Variants in EIF4A3 observed in about 807,000 individuals in gnomAD.
The protein encoded by EIF4A3 is eukaryotic translation initiation factor 4A3.
Under a neutral mutation model 55.6 loss-of-function variants are expected in EIF4A3, and 1 was observed. That is an observed-to-expected ratio of 0.02 (90% CI 0.01 to 0.09). EIF4A3 has a LOEUF of 0.09. EIF4A3 is among the 10% of genes least tolerant of loss of function. EIF4A3 has a pLI of 1.00. For synonymous variants in EIF4A3, 194 were observed against 196.3 expected (o/e 0.99, Z 0.10); for missense variants, 221 against 540.7 (o/e 0.41, Z 5.86).
At chr17:80,141,123 A>G (rs993945716) in intron 4 of EIF4A3, among the ~76,000 whole-genome samples, 196 bp downstream of exon 4, 7 of 152,354 alleles carry the variant, frequency 4.6e-5, no homozygotes, top group African/African-American at 1.2e-4. Flanking sequence ...AACTACCGAG[A>G]GCACACAAGC....
In EIF4A3 at chr17:80,134,401, T is replaced by C. The variant is rs756295745; in HGVS notation, c.*1089A>G. 5.3e-5 allele frequency among the ~76,000 whole-genome samples: 8 copies of C among 152,168 alleles called. No homozygotes were observed. Among genetic ancestry groups the C allele is most frequent in the Non-Finnish European group, 1.0e-4 (7 of 68,032 alleles). On this transcript the variant is annotated 3_prime_UTR_variant, in exon 12 of 12. Coordinates refer to ENST00000649764, the MANE Select transcript of EIF4A3 (RefSeq NM_014740.4). ...AGATAACTTAAATACTTTAATAATT[T>C]AAATATTTAAACAGATAATTATCTG... is the stretch of plus-strand genomic sequence containing the variant.
chr17:80,138,988 T>C, intron 7 of EIF4A3, 33 bp downstream of exon 7: 1 of 1,610,018 alleles, frequency 6.2e-7, no homozygotes, highest in Non-Finnish European at 8.5e-7. Flanking sequence ...TGCGGCCCAG[T>C]GTTTTAGTAA....
intron 11 of EIF4A3, 92 bp downstream of exon 11, chr17:80,135,912 A>C (rs988344200): frequency 2.2e-5 from 34 of 1,525,098 alleles, no homozygotes; most frequent in Non-Finnish European, 3.0e-5. Flanking sequence ...AAACAAAAAA[A>C]CCCACAACAA....
At chr17:80,144,785 G>A (rs2039646573) in intron 1 of EIF4A3, among the ~76,000 whole-genome samples, 1 of 152,140 alleles carries the variant, frequency 6.6e-6, no homozygotes, top group Non-Finnish European at 1.5e-5. Context: ...AACCTGCGTG[G>A]GTCACGCTGC....
At chr17:80,138,651 C>T in intron 7 of EIF4A3, 1 of 332,898 alleles carries the variant, frequency 3.0e-6, no homozygotes, top group Non-Finnish European at 5.6e-6. Flanking sequence ...GGCTGAAGTA[C>T]AGTGGCACAA....
Position 80,140,209 on chromosome 17 carries a change from CTG to C in EIF4A3, c.373-71_373-70del, listed in dbSNP as rs561485346. ...CATCCACGTTTTCCAAAAAGAAAGA[CTG>C]TTTCTCCTCCGAGATGATCACCGAT... On this transcript the variant is annotated intron_variant, in intron 4 of 11. Transcript: ENST00000649764. 94 of 1,439,658 alleles carry C rather than the reference CTG, an allele frequency of 6.5e-5. No homozygotes were observed. In the African/African-American group the frequency reaches 1.1e-3, roughly 17 times the overall value. The allele number at this position is 1,439,658 out of a possible 1,614,324, so 89.2% of individuals were successfully genotyped here.
At chr17:80,146,162 T>G (rs972893229) in intron 1 of EIF4A3, among the ~76,000 whole-genome samples, 4 of 152,212 alleles carry the variant, frequency 2.6e-5, no homozygotes, top group Non-Finnish European at 5.9e-5. Flanking sequence ...GGGACTTCTT[T>G]CAGTTCCTGG....
chr17:80,135,646 A>G lies in EIF4A3; in HGVS notation c.1220-140T>C. The G allele has an allele frequency of 4.0e-6, 3 of 756,544 alleles. No homozygotes were observed. The Admixed American group carries it at 8.4e-5, about 21-fold the overall frequency. The allele number at this position is 756,544 out of a possible 1,614,324, so 46.9% of individuals were successfully genotyped here. A position where few individuals can be genotyped will look rare whatever the true frequency, so the allele number is the denominator to read the frequency against. Reference sequence around the variant, plus strand: ...CATAGTGGCTCACGCCTGTAATCCCAGCACTTTGGGAGGCTGAGGTGGGCA... The same window carrying G: ...CATAGTGGCTCACGCCTGTAATCCCGGCACTTTGGGAGGCTGAGGTGGGCA... On this transcript the variant is annotated intron_variant, in intron 11 of 11. Transcript: ENST00000649764.
At chr17:80,146,643 T>C in intron 1 of EIF4A3, 150 bp downstream of exon 1, 2 of 895,940 alleles carry the variant, frequency 2.2e-6, no homozygotes, top group Non-Finnish European at 1.6e-6. Flanking sequence ...GGGGTGGGGG[T>C]GGGGGTCGGA....
intron 2 of EIF4A3, 82 bp downstream of exon 2, chr17:80,144,090 A>C: frequency 5.3e-6 from 7 of 1,328,388 alleles, no homozygotes; most frequent in Non-Finnish European, 7.6e-6. Flanking sequence ...AAGCTGAGGG[A>C]AACAGTCATC....
intron 7 of EIF4A3, 126 bp downstream of exon 7, chr17:80,138,895 G>T: frequency 7.8e-7 from 1 of 1,273,962 alleles, no homozygotes; most frequent in Non-Finnish European, 1.1e-6. Flanking sequence ...CCTGAGGTCC[G>T]GGTTTTGACA....
Position 80,146,023 on chromosome 17 carries a change from C to G in EIF4A3, c.169+770G>C, listed in dbSNP as rs952328474. On this transcript the variant is annotated intron_variant, in intron 1 of 11. Transcript: ENST00000649764. Reference sequence around the variant, plus strand: ...GAATCTTTAAAACTGTAAATGTGATCGTGTCACATAGCTACTTAAAACCTT... The same window carrying G: ...GAATCTTTAAAACTGTAAATGTGATGGTGTCACATAGCTACTTAAAACCTT... Among the ~76,000 whole-genome samples, 18 of 152,112 alleles carry G rather than the reference C, an allele frequency of 1.2e-4. 1 individual carries two copies. Among genetic ancestry groups the G allele is most frequent in the Non-Finnish European group, 2.5e-4 (17 of 68,036 alleles).
intron 3 of EIF4A3, 139 bp downstream of exon 3, chr17:80,141,642 TA>T: frequency 1.2e-6 from 1 of 820,168 alleles, no homozygotes; most frequent in Non-Finnish European, 1.9e-6. Context: ...AGTGTACAAC[TA>T]AGACTCTGTG....
chr17:80,144,943 C>G (rs975944788), intron 1 of EIF4A3, among the ~76,000 whole-genome samples: 6 of 152,216 alleles, frequency 3.9e-5, no homozygotes, highest in African/African-American at 1.4e-4. Flanking sequence ...ATTTTATGTA[C>G]AAAAACTCTA....
In EIF4A3 at chr17:80,135,327, A is replaced by T. The variant is rs1271801089; in HGVS notation, c.*163T>A. 3 of 663,694 alleles carry T rather than the reference A, an allele frequency of 4.5e-6. No individual in the cohort carries two copies. In the African/African-American group the frequency reaches 5.6e-5, roughly 12 times the overall value. The allele number at this position is 663,694 out of a possible 1,614,324, so 41.1% of individuals were successfully genotyped here. A position where few individuals can be genotyped will look rare whatever the true frequency, so the allele number is the denominator to read the frequency against. On this transcript the variant is annotated 3_prime_UTR_variant, in exon 12 of 12. Transcript: ENST00000649764. ...GTATTATTTACATGTAAATAAGAAAAGAGAGCAGAATCCCCATATCCTCTT... is the reference window on the plus strand; with the variant it reads ...GTATTATTTACATGTAAATAAGAAATGAGAGCAGAATCCCCATATCCTCTT...
Position 80,146,923 on chromosome 17 carries a change from CGCCGAGCCCGAGGTCGCCATCGTG to C in EIF4A3, c.15_38del (p.Thr6_Ala13del). 6.2e-7 allele frequency: 1 copy of C among 1,609,294 alleles called. No individual in the cohort carries two copies. The highest frequency in any genetic ancestry group is 8.5e-7 in the Non-Finnish European group (1 of 1,178,400). ...CTTCCTCTTTGAGCAGCCGCTTTCGCGCCGAGCCCGAGGTCGCCATCGTGGCCGTGGTCGCCATGATTCAGAGTC... is the reference window on the plus strand; with the variant it reads ...CTTCCTCTTTGAGCAGCCGCTTTCGCGCCGTGGTCGCCATGATTCAGAGTC... On this transcript the variant is annotated inframe_deletion, in exon 1 of 12. Coordinates refer to ENST00000649764, the MANE Select transcript of EIF4A3 (RefSeq NM_014740.4).
intron 5 of EIF4A3, 119 bp downstream of exon 5, chr17:80,139,889 A>G: frequency 3.9e-6 from 6 of 1,519,550 alleles, no homozygotes; most frequent in Non-Finnish European, 5.3e-6. Flanking sequence ...ACCTCCTGCA[A>G]GTGACCCAGG....
At chr17:80,142,084 T>C (rs528139851) in intron 2 of EIF4A3, among the ~76,000 whole-genome samples, 42 of 152,302 alleles carry the variant, frequency 2.8e-4, no homozygotes, top group South Asian at 2.3e-3. Flanking sequence ...CCACAGACTC[T>C]CTAACTTCAA....
intron 4 of EIF4A3, 115 bp from the exon 5 acceptor site, chr17:80,140,255 T>C (rs2039606368): frequency 2.4e-6 from 3 of 1,273,218 alleles, no homozygotes; most frequent in Non-Finnish European, 3.1e-6. Context: ...ATGCCATTAT[T>C]ATCTCGAAAC....
Sources: allele counts gnomAD v4.1 joint callset (sites outside exome capture counted in the v4.1 genomes callset), GRCh38; gene constraint gnomAD v4.1.1; transcripts MANE v1.5; gene names NCBI Gene and HGNC (gene_info 2026-07-23, HGNC 2026-07-21).